The following SFXN5 variants were observed in gnomAD, a reference collection of about 807,000 sequenced individuals.
SFXN5 encodes sideroflexin-5.
Under a neutral mutation model 50.2 loss-of-function variants are expected in SFXN5, and 43 were observed. The observed-to-expected ratio is 0.86, with a 90% CI of 0.67 to 1.11. SFXN5 has a LOEUF of 1.11. Ranked by LOEUF, SFXN5 falls within the 50% of genes least tolerant of loss-of-function variation. The probability of loss-of-function intolerance (pLI) is 0.00; values close to 1 mark genes in which losing one functional copy is unlikely to be tolerated. For synonymous variants in SFXN5, 203 were observed against 185.8 expected (o/e 1.09, Z -0.75); for missense variants, 463 against 454.1 (o/e 1.02, Z -0.18).
intron 10 of SFXN5, among the ~76,000 whole-genome samples, chr2:72,976,207 G>A (rs1670601054): frequency 6.6e-6 from 1 of 152,048 alleles, no homozygotes; most frequent in Admixed American, 6.6e-5. Context: ...AGGGGTTGTT[G>A]AAAGACTTCC....
At chr2:73,049,012 T>C (rs1452448080) in intron 2 of SFXN5, 1 of 152,168 alleles carries the variant, frequency 6.6e-6, no homozygotes, top group Non-Finnish European at 1.5e-5. Flanking sequence ...CTTCACTGAG[T>C]TACCAAAGGT....
intron 2 of SFXN5, among the ~76,000 whole-genome samples, chr2:73,047,317 A>ATG (rs1243859648): frequency 3.7e-5 from 3 of 80,036 alleles, no homozygotes; most frequent in African/African-American, 1.0e-4. Context: ...ATGTGTGTGT[A>ATG]TGTATATATA....
At chr2:73,018,459 A>G (rs1166881149) in intron 6 of SFXN5, among the ~76,000 whole-genome samples, 1 of 152,124 alleles carries the variant, frequency 6.6e-6, no homozygotes, top group African/African-American at 2.4e-5. Flanking sequence ...CCACTGAATA[A>G]AAAAAACCAC....
intron 6 of SFXN5, among the ~76,000 whole-genome samples, chr2:73,003,700 T>G (rs971725830): frequency 6.6e-5 from 10 of 152,224 alleles, no homozygotes; most frequent in African/African-American, 2.4e-4. Context: ...TCCCTTTGTC[T>G]CATTTTCATC....
chr2:73,023,940 A>C (rs537891015), intron 3 of SFXN5, among the ~76,000 whole-genome samples: 2 of 152,304 alleles, frequency 1.3e-5, no homozygotes, highest in Admixed American at 1.3e-4. Flanking sequence ...AATGACCTAA[A>C]TACTGTATTG....
At chr2:73,056,460 T>C (rs1574257433) in intron 2 of SFXN5, among the ~76,000 whole-genome samples, 1 of 151,268 alleles carries the variant, frequency 6.6e-6, no homozygotes, top group African/African-American at 2.4e-5. Flanking sequence ...CTGAGGTGGG[T>C]GGATCACCTG....
chr2:72,988,383 A>G (rs57666506), intron 9 of SFXN5, 35 bp from the exon 10 acceptor site: 105,494 of 1,586,902 alleles, frequency 0.066, 4,238 homozygotes, highest in East Asian at 0.18. Flanking sequence ...CAGAAAAAGT[A>G]CATGATGCTG....
intron 6 of SFXN5, among the ~76,000 whole-genome samples, chr2:73,002,999 T>G (rs1365808365): frequency 6.6e-6 from 1 of 152,212 alleles, no homozygotes; most frequent in Non-Finnish European, 1.5e-5. Flanking sequence ...GGGTAGTAGG[T>G]GTCAAGTCAA....
At chr2:73,008,512 G>A (rs1675046928) in intron 6 of SFXN5, among the ~76,000 whole-genome samples, 1 of 152,194 alleles carries the variant, frequency 6.6e-6, no homozygotes, top group African/African-American at 2.4e-5. Context: ...CGCAGGAGCA[G>A]AGGAGAAATG....
intron 3 of SFXN5, among the ~76,000 whole-genome samples, chr2:73,035,437 A>G (rs1678845517): frequency 6.6e-6 from 1 of 151,904 alleles, no homozygotes. Context: ...CCCAAAAGTT[A>G]AATTATACTC....
chr2:73,047,285 T>TATATATATATATATATATACACACAC (rs1268079277), intron 2 of SFXN5, among the ~76,000 whole-genome samples: 1 of 92,522 alleles, frequency 1.1e-5, no homozygotes, highest in Non-Finnish European at 2.0e-5. Flanking sequence ...TACACACATA[T>TATATATATATATATATATACACACAC]ATATATATAT....
At position 73,030,016 on chromosome 2, in the gene SFXN5, G is replaced by A. The variant is rs746591259; in HGVS notation, c.250-6802C>T. On this transcript the variant is annotated intron_variant, in intron 3 of 13. Transcript: ENST00000272433. ...GAGCCCAGGAAGCAGAGGCTGCAGT[G>A]AGCTGAGATCACACCATTGCCCTCC... 3.9e-4 allele frequency among the ~76,000 whole-genome samples: 60 copies of A among 152,154 alleles called. 1 individual carries two copies. Among genetic ancestry groups the A allele is most frequent in the Non-Finnish European group, 2.8e-4 (19 of 68,032 alleles).
At chr2:72,967,123 C>T (rs555882278) in intron 12 of SFXN5, 8 of 152,372 alleles carry the variant, frequency 5.3e-5, no homozygotes, top group African/African-American at 1.9e-4. Flanking sequence ...CTGTCTTTGC[C>T]TTCCTCTCCT....
intron 2 of SFXN5, among the ~76,000 whole-genome samples, chr2:73,047,323 ATATATGTG>A (rs1559200377): frequency 1.6e-5 from 2 of 124,368 alleles, no homozygotes; most frequent in African/African-American, 5.5e-5. Context: ...GTGTATGTAT[ATATATGTG>A]TATATATATG....
chr2:72,946,774 C>T (rs1310385884), intron 13 of SFXN5, among the ~76,000 whole-genome samples: 1 of 152,194 alleles, frequency 6.6e-6, no homozygotes, highest in Admixed American at 6.5e-5. Flanking sequence ...CCCAGTCCGT[C>T]CCCAACCACA....
chr2:72,947,105 C>T (rs1418731340), intron 13 of SFXN5, among the ~76,000 whole-genome samples: 2 of 152,220 alleles, frequency 1.3e-5, no homozygotes, highest in Non-Finnish European at 2.9e-5. Flanking sequence ...GCGTGGCCAC[C>T]TCTGTGGCCC....
chr2:72,952,307 G>C (rs554198763), intron 13 of SFXN5, among the ~76,000 whole-genome samples: 2 of 152,262 alleles, frequency 1.3e-5, no homozygotes, highest in East Asian at 1.9e-4. Flanking sequence ...GATATTCTTA[G>C]ACCAAATCCA....
At chr2:73,030,910 G>C (rs1678221118) in intron 3 of SFXN5, among the ~76,000 whole-genome samples, 2 of 152,044 alleles carry the variant, frequency 1.3e-5, no homozygotes, top group African/African-American at 4.8e-5. Flanking sequence ...TGGGCAACTG[G>C]GGGAGAGAAA....
At chr2:73,019,775 T>G (rs1234232893) in intron 6 of SFXN5, 1 of 159,446 alleles carries the variant, frequency 6.3e-6, no homozygotes, top group African/African-American at 2.4e-5. Context: ...ACATTTATGA[T>G]GAATGCACCT....
Sources: allele counts gnomAD v4.1 joint callset (sites outside exome capture counted in the v4.1 genomes callset), GRCh38; gene constraint gnomAD v4.1.1; transcripts MANE v1.5; gene names NCBI Gene and HGNC (gene_info 2026-07-23, HGNC 2026-07-21).